Variants in ECHDC1 observed in about 807,000 individuals in gnomAD.
The protein encoded by ECHDC1 is ethylmalonyl-CoA decarboxylase 1.
In ECHDC1, 29 loss-of-function variants were observed where a neutral mutation model predicts 29.7. The ratio of observed to expected loss-of-function variants is 0.98; its 90% CI spans 0.73 to 1.33. The LOEUF (loss-of-function observed/expected upper bound fraction) is 1.33, where lower values mean the gene tolerates loss of function less well. Among genes scored for constraint, ECHDC1 ranks in the 40% most tolerant of loss-of-function variants. The probability of loss-of-function intolerance (pLI) is 0.00; values close to 1 mark genes in which losing one functional copy is unlikely to be tolerated. For missense variants in ECHDC1, 328 were observed against 350.0 expected (o/e 0.94, Z 0.50); for synonymous variants, 126 against 123.1 (o/e 1.02, Z -0.15).
At chr6:127,328,041 A>G (rs1353467631) in intron 2 of ECHDC1, among the ~76,000 whole-genome samples, 1 of 152,256 alleles carries the variant, frequency 6.6e-6, no homozygotes, top group East Asian at 1.9e-4. Flanking sequence ...ACAAGGTTCC[A>G]AAAGATGGCC....
At chr6:127,317,318 G>A (rs1024050745) in intron 3 of ECHDC1, among the ~76,000 whole-genome samples, 2 of 151,714 alleles carry the variant, frequency 1.3e-5, no homozygotes, top group African/African-American at 4.8e-5. Context: ...GATTTTCTCT[G>A]TTCTTTATTT....
At chr6:127,292,292 C>G (rs1298114978) in intron 5 of ECHDC1, among the ~76,000 whole-genome samples, 1 of 151,996 alleles carries the variant, frequency 6.6e-6, no homozygotes, top group Non-Finnish European at 1.5e-5. Context: ...CCTATGTAAG[C>G]ACATTCATAT....
chr6:127,330,058 A>G (rs1583001641), intron 2 of ECHDC1, among the ~76,000 whole-genome samples: 1 of 152,352 alleles, frequency 6.6e-6, no homozygotes, highest in East Asian at 1.9e-4. Context: ...GATTATAATC[A>G]TGAAGTGCAT....
chr6:127,295,057 T>C (rs1327024793), intron 5 of ECHDC1, among the ~76,000 whole-genome samples: 1 of 151,898 alleles, frequency 6.6e-6, no homozygotes, highest in Non-Finnish European at 1.5e-5. Context: ...CAAGTGATTC[T>C]CCTGCCTCAG....
chr6:127,332,426 G>A (rs1784041556), intron 1 of ECHDC1, among the ~76,000 whole-genome samples: 1 of 152,062 alleles, frequency 6.6e-6, no homozygotes, highest in South Asian at 2.1e-4. Flanking sequence ...GACTCAGGAG[G>A]TTCTGACCAC....
At chr6:127,292,153 G>T (rs1248116713) in intron 5 of ECHDC1, among the ~76,000 whole-genome samples, 2 of 151,940 alleles carry the variant, frequency 1.3e-5, no homozygotes, top group Non-Finnish European at 1.5e-5. Context: ...TTGGTTCAGA[G>T]CTGTGCCTAT....
At chr6:127,342,368 C>A in intron 1 of ECHDC1, 3 of 1,548,048 alleles carry the variant, frequency 1.9e-6, no homozygotes, top group Non-Finnish European at 2.6e-6. Flanking sequence ...TGTTTCAATG[C>A]CATGCTTCTT....
intron 3 of ECHDC1, among the ~76,000 whole-genome samples, chr6:127,319,921 G>T (rs1420336207): frequency 6.6e-6 from 1 of 152,158 alleles, no homozygotes; most frequent in South Asian, 2.1e-4. Context: ...CCAGCCTGTA[G>T]AAGTATCTTA....
At chr6:127,297,012 A>G (rs1780659336) in intron 5 of ECHDC1, among the ~76,000 whole-genome samples, 1 of 152,154 alleles carries the variant, frequency 6.6e-6, no homozygotes, top group Non-Finnish European at 1.5e-5. Context: ...TTGCCTCAAA[A>G]AGAAAAAAAA....
intron 3 of ECHDC1, among the ~76,000 whole-genome samples, chr6:127,322,819 C>A (rs968587015): frequency 6.6e-6 from 1 of 152,026 alleles, no homozygotes; most frequent in African/African-American, 2.4e-5. Context: ...AGATGTTTTC[C>A]TAACCAGCTT....
intron 5 of ECHDC1, among the ~76,000 whole-genome samples, chr6:127,298,856 G>C (rs888810958): frequency 6.6e-6 from 1 of 151,750 alleles, no homozygotes; most frequent in Non-Finnish European, 1.5e-5. Context: ...CCATGTTAAT[G>C]GTTCGGGTAT....
intron 5 of ECHDC1, among the ~76,000 whole-genome samples, chr6:127,292,778 G>A (rs1210452683): frequency 1.3e-5 from 2 of 152,034 alleles, no homozygotes; most frequent in Non-Finnish European, 2.9e-5. Flanking sequence ...CTAGAGTTTA[G>A]ATGCAGTTAC....
intron 5 of ECHDC1, among the ~76,000 whole-genome samples, chr6:127,300,911 T>C (rs945862168): frequency 2.0e-5 from 3 of 152,232 alleles, no homozygotes; most frequent in Non-Finnish European, 2.9e-5. Flanking sequence ...AATAGAAAAC[T>C]ACATGTATTA....
intron 1 of ECHDC1, among the ~76,000 whole-genome samples, chr6:127,332,655 G>GT (rs1811273356): frequency 6.6e-6 from 1 of 152,158 alleles, no homozygotes; most frequent in Non-Finnish European, 1.5e-5. Context: ...ATTCTTTTGA[G>GT]TACCTCATCA....
intron 1 of ECHDC1, chr6:127,342,238 A>G (rs1785014625): frequency 9.5e-7 from 1 of 1,051,336 alleles, no homozygotes; most frequent in Non-Finnish European, 1.3e-6. Context: ...CATTAGTCTT[A>G]GCTGCAAGAG....
At chr6:127,310,440 C>A (rs1384397967) in intron 5 of ECHDC1, among the ~76,000 whole-genome samples, 2 of 151,796 alleles carry the variant, frequency 1.3e-5, no homozygotes, top group African/African-American at 4.8e-5. Context: ...GCTTTCAACC[C>A]TCAGGAAGAT....
chr6:127,311,035 C>T (rs1431738405), intron 5 of ECHDC1, among the ~76,000 whole-genome samples: 1 of 152,140 alleles, frequency 6.6e-6, no homozygotes, highest in Non-Finnish European at 1.5e-5. Flanking sequence ...ACTTAACAGA[C>T]TATAGTACAG....
At chr6:127,300,408 G>T (rs1414024251) in intron 5 of ECHDC1, among the ~76,000 whole-genome samples, 1 of 152,174 alleles carries the variant, frequency 6.6e-6, no homozygotes, top group Non-Finnish European at 1.5e-5. Context: ...TGTAACTAAA[G>T]TTAAATCCTT....
chr6:127,321,162 T>C (rs1428664535), intron 3 of ECHDC1, among the ~76,000 whole-genome samples: 1 of 152,190 alleles, frequency 6.6e-6, no homozygotes, highest in African/African-American at 2.4e-5. Context: ...ATTGCTAAAA[T>C]TGTCATATAT....
Sources: gnomAD v4.1 joint callset for allele counts (sites outside exome capture counted in the v4.1 genomes callset) on GRCh38, gnomAD v4.1.1 for gene constraint, MANE v1.5 for transcripts, NCBI Gene and HGNC (gene_info 2026-07-23, HGNC 2026-07-21) for gene names.